Variants in NLRP7 observed in about 807,000 individuals in gnomAD.
NLRP7 encodes the protein NLR family pyrin domain containing 7.
Under a neutral mutation model 85.5 loss-of-function variants are expected in NLRP7, and 72 were observed. The ratio of observed to expected loss-of-function variants is 0.84; its 90% CI spans 0.70 to 1.02. The LOEUF is 1.02. NLRP7 is among the 50% of genes least tolerant of loss of function. The pLI is 0.00. For missense variants in NLRP7, 1,243 were observed against 1,219.5 expected (o/e 1.02, Z -0.29); for synonymous variants, 550 against 505.2 (o/e 1.09, Z -1.19).
rs1307576770 is a variant in NLRP7 at position 54,962,823 on chromosome 19, T to A, written c.-77+3217A>T. On this transcript the variant is annotated intron_variant, in intron 1 of 2. Transcript: ENST00000587103. Reference sequence around the variant, plus strand: ...ACCGTGTTAGCCAGGATGGTCTCCATCTCCTGACCTCGTGATCCGCCCGCC... The same window carrying A: ...ACCGTGTTAGCCAGGATGGTCTCCAACTCCTGACCTCGTGATCCGCCCGCC... 4.8e-5 allele frequency among the ~76,000 whole-genome samples: 7 copies of A among 145,730 alleles called. No individual in the cohort carries two copies. In the East Asian group the frequency reaches 6.4e-4, roughly 13 times the overall value.
At chr19:54,961,874 GA>G (rs1382200911) in intron 1 of NLRP7, among the ~76,000 whole-genome samples, 3 of 151,398 alleles carry the variant, frequency 2.0e-5, no homozygotes, top group Admixed American at 6.6e-5. Context: ...TAAGAAGGTA[GA>G]AAAAGGTCGG....
At chr19:54,946,540 G>C (rs1030982399) in intron 1 of NLRP7, among the ~76,000 whole-genome samples, 2 of 151,734 alleles carry the variant, frequency 1.3e-5, no homozygotes, top group Non-Finnish European at 2.9e-5. Flanking sequence ...ATCCAGGCTG[G>C]AGTGCAGTGG....
intron 9 of NLRP7, among the ~76,000 whole-genome samples, chr19:54,929,689 G>A (rs889905143): frequency 6.6e-6 from 1 of 152,112 alleles, no homozygotes. Context: ...GTCACTGGGG[G>A]CCATTGTTAT....
chr19:54,953,584 C>T (rs576488139), intron 1 of NLRP7, among the ~76,000 whole-genome samples: 2 of 148,584 alleles, frequency 1.3e-5, no homozygotes, highest in African/African-American at 2.6e-5. Context: ...GGATTTCATT[C>T]CTGGGGCGCG....
intron 1 of NLRP7, among the ~76,000 whole-genome samples, chr19:54,953,786 C>G (rs1438071047): frequency 1.3e-5 from 2 of 150,022 alleles, no homozygotes; most frequent in African/African-American, 4.9e-5. Context: ...GTGGATCACA[C>G]GGTCAGGAGA....
At chr19:54,950,649 A>T (rs2069638519), upstream of NLRP7, among the ~76,000 whole-genome samples, 1 of 151,774 alleles carries the variant, frequency 6.6e-6, no homozygotes, top group Non-Finnish European at 1.5e-5. Context: ...TGCTGCCCGC[A>T]TGTCCCACCT....
exon 4 of NLRP7, chr19:54,939,545 G>A (rs1326893606): frequency 1.2e-6 from 2 of 1,612,632 alleles, no homozygotes; most frequent in African/African-American, 1.3e-5. Context: ...GGACATCTGC[G>A]CCCACAGGCC....
At chr19:54,963,682 G>C (rs554340336) in intron 1 of NLRP7, among the ~76,000 whole-genome samples, 1 of 151,796 alleles carries the variant, frequency 6.6e-6, no homozygotes, top group Admixed American at 6.6e-5. Context: ...AAATTAGCCG[G>C]GTACAGTGGC....
chr19:54,930,420 C>A (rs1364308865), intron 9 of NLRP7, 79 bp downstream of exon 9: 2 of 973,782 alleles, frequency 2.1e-6, no homozygotes, highest in East Asian at 4.9e-5. Context: ...CGTAATCACC[C>A]CACTGCACTC....
rs144316761 is a variant in NLRP7, at chr19:54,934,236, C to T, written c.2471+253G>A. Among the ~76,000 whole-genome samples, 28 of 152,134 alleles carry T rather than the reference C, an allele frequency of 1.8e-4. No individual in the cohort carries two copies. The highest frequency in any genetic ancestry group is 3.9e-4 in the East Asian group (2 of 5,170). On this transcript the variant is annotated intron_variant, in intron 7 of 9. Coordinates refer to ENST00000340844, the Ensembl canonical transcript of NLRP7. The surrounding 1 kb of genome is among the most constrained non-coding windows in gnomAD (Gnocchi z 6.7). ...GATTACAGGCATGAGCCACCGCACC[C>T]GGCCTGTTTTTGGTATTTTTAATAG...
At chr19:54,924,905 G>A (rs1429842137) in intron 9 of NLRP7, among the ~76,000 whole-genome samples, 1 of 152,130 alleles carries the variant, frequency 6.6e-6, no homozygotes, top group African/African-American at 2.4e-5. Context: ...CCACTGTACT[G>A]CAGCCCGGGT....
chr19:54,947,646 G>T (rs531589697), upstream of NLRP7: 1 of 1,289,224 alleles, frequency 7.8e-7, no homozygotes, highest in South Asian at 1.2e-5. Flanking sequence ...GGCTCACCTT[G>T]ACATCACCTG....
chr19:54,953,550 T>A (rs533850663), intron 1 of NLRP7, among the ~76,000 whole-genome samples: 2 of 149,390 alleles, frequency 1.3e-5, no homozygotes, highest in African/African-American at 2.6e-5. Flanking sequence ...ATTTCATTCC[T>A]GGGCCGCGGG....
chr19:54,934,894 A>C lies in NLRP7; in HGVS notation c.2301-235T>G, dbSNP rs1296910071. ...GTATTTTTAGTAGAGACGGGATTTCACCATGTTGGCCACACTGGTCTTGAA... is the reference window on the plus strand; with the variant it reads ...GTATTTTTAGTAGAGACGGGATTTCCCCATGTTGGCCACACTGGTCTTGAA... On this transcript the variant is annotated intron_variant, in intron 6 of 9. Coordinates refer to ENST00000340844, the Ensembl canonical transcript of NLRP7. This position sits in a 1 kb window ranked among gnomAD's most constrained non-coding sequence, Gnocchi z 6.7. Among the ~76,000 whole-genome samples, 1 of 152,054 alleles carries C rather than the reference A, an allele frequency of 6.6e-6. No individual in the cohort carries two copies. Among genetic ancestry groups the C allele is most frequent in the Non-Finnish European group, 1.5e-5 (1 of 68,002 alleles).
intron 9 of NLRP7, among the ~76,000 whole-genome samples, chr19:54,927,283 A>C (rs2068483854): frequency 6.6e-6 from 1 of 151,568 alleles, no homozygotes; most frequent in East Asian, 1.9e-4. Flanking sequence ...TGGGAGGCCA[A>C]GGTGGGAGAA....
At chr19:54,935,148 A>G (rs1199873016) in intron 6 of NLRP7, among the ~76,000 whole-genome samples, 1 of 152,086 alleles carries the variant, frequency 6.6e-6, no homozygotes, top group Non-Finnish European at 1.5e-5. Context: ...GGTAACATCC[A>G]GCCACTTCTC....
chr19:54,939,171 A>G, exon 4 of NLRP7: 1 of 1,614,212 alleles, frequency 6.2e-7, no homozygotes. Flanking sequence ...CATTGCAGCA[A>G]TTCCTGTTTG....
rs1374969813 is a variant in NLRP7, at chr19:54,934,680, G to T, written c.2301-21C>A. 3.7e-6 allele frequency: 6 copies of T among 1,604,482 alleles called. No homozygotes were observed. The highest frequency in any genetic ancestry group is 5.1e-6 in the Non-Finnish European group (6 of 1,174,290). On this transcript the variant is annotated intron_variant, in intron 6 of 9. Transcript: ENST00000340844. The surrounding 1 kb of genome is among the most constrained non-coding windows in gnomAD (Gnocchi z 6.7). ...CCAACCTGTGAAAAGAGTGGGAAAA[G>T]TCATTCTTCTGGGAGGACAGAGTAT...
At chr19:54,925,515 A>C (rs956916357) in intron 9 of NLRP7, among the ~76,000 whole-genome samples, 1 of 152,070 alleles carries the variant, frequency 6.6e-6, no homozygotes, top group Non-Finnish European at 1.5e-5. Flanking sequence ...CTCTTGAATA[A>C]GACAAGTGGG....
Sources: gnomAD v4.1 joint callset for allele counts (sites outside exome capture counted in the v4.1 genomes callset) on GRCh38, gnomAD v4.1.1 for gene constraint, Gnocchi (gnomAD v3.1) non-coding constraint, MANE v1.5 for transcripts, NCBI Gene and HGNC (gene_info 2026-07-23, HGNC 2026-07-21) for gene names.